The following AFF3 variants were observed in gnomAD, a reference collection of about 807,000 sequenced individuals.
The protein encoded by AFF3 is AF4/FMR2 family member 3.
A neutral mutation model predicts 129.7 loss-of-function variants in AFF3; 32 were observed. The observed-to-expected ratio is 0.25, with a 90% CI of 0.19 to 0.33. The LOEUF is 0.33. Ranked by LOEUF, AFF3 falls within the 10% of genes least tolerant of loss-of-function variation. The pLI is 1.00. For synonymous variants in AFF3, 644 were observed against 635.4 expected, an observed-to-expected ratio of 1.01 and a Z score of -0.20; for missense variants, 1,373 against 1,592.0, an observed-to-expected ratio of 0.86 and a Z score of 2.34.
At chr2:100,122,533 A>G (rs1692021828) in intron 2 of AFF3, among the ~76,000 whole-genome samples, 1 of 152,228 alleles carries the variant, frequency 6.6e-6, no homozygotes, top group African/African-American at 2.4e-5. Flanking sequence ...AGAGGCAGAG[A>G]GTGAAGACTA....
rs1006138237 is a variant in AFF3, at chr2:99,996,502, A to G, written c.873+10130T>C. On this transcript the variant is annotated intron_variant, in intron 7 of 24. Coordinates refer to ENST00000672756, the MANE Select transcript of AFF3 (RefSeq NM_001386135.1). The stretch of plus-strand genomic sequence containing the variant: ...TCGGCTCATGAGTAGTTGGGACTAC[A>G]GGCACCTGCCACCACGCCCGGCTAA... Among the ~76,000 whole-genome samples the G allele has an allele frequency of 3.3e-5, 5 of 149,428 alleles. 1 individual carries two copies. Among genetic ancestry groups the G allele is most frequent in the Admixed American group, 3.3e-4 (5 of 14,992 alleles).
chr2:99,991,954 A>G (rs1224370396), intron 7 of AFF3, among the ~76,000 whole-genome samples: 1 of 152,040 alleles, frequency 6.6e-6, no homozygotes, highest in Non-Finnish European at 1.5e-5. Context: ...ATAAAAAGTC[A>G]GTCTTGACAG....
chr2:99,913,466 G>A (rs1695245525), intron 7 of AFF3, among the ~76,000 whole-genome samples: 2 of 152,190 alleles, frequency 1.3e-5, no homozygotes, highest in South Asian at 4.1e-4. Context: ...ACAGATAATA[G>A]ATGATCAATA....
intron 10 of AFF3, among the ~76,000 whole-genome samples, chr2:99,734,588 T>A (rs990786249): frequency 6.6e-6 from 1 of 152,088 alleles, no homozygotes. Context: ...TCATGTATAG[T>A]GAATTTTATC....
chr2:99,905,238 C>T (rs373964409), intron 7 of AFF3, among the ~76,000 whole-genome samples: 17 of 152,334 alleles, frequency 1.1e-4, no homozygotes, highest in African/African-American at 3.8e-4. Flanking sequence ...GTGGAGCCCA[C>T]GTCTTCACAG....
chr2:99,900,135 G>T (rs993887525), intron 7 of AFF3, among the ~76,000 whole-genome samples: 2 of 152,148 alleles, frequency 1.3e-5, no homozygotes, highest in Non-Finnish European at 2.9e-5. Flanking sequence ...CTGTGAAGAG[G>T]CTGTAACTTA....
At chr2:99,628,723 A>ATTTTTTTTTTTTT (rs3073407) in intron 13 of AFF3, among the ~76,000 whole-genome samples, 1 of 92,432 alleles carries the variant, frequency 1.1e-5, no homozygotes, top group African/African-American at 4.7e-5. Flanking sequence ...TGCTTGACTG[A>ATTTTTTTTTTTTT]TTTTTTTTTT....
chr2:99,679,555 A>G (rs1372092316), intron 11 of AFF3, among the ~76,000 whole-genome samples: 1 of 152,150 alleles, frequency 6.6e-6, no homozygotes, highest in Non-Finnish European at 1.5e-5. Context: ...CAAAATCTCA[A>G]TCAGTCAACT....
intron 4 of AFF3, among the ~76,000 whole-genome samples, chr2:100,009,507 T>C (rs1157719533): frequency 2.6e-5 from 4 of 152,166 alleles, no homozygotes; most frequent in African/African-American, 7.2e-5. Flanking sequence ...CCTTCTGATA[T>C]ATTTGACACT....
intron 8 of AFF3, among the ~76,000 whole-genome samples, chr2:99,821,273 A>G (rs1479990718): frequency 6.6e-6 from 1 of 152,142 alleles, no homozygotes; most frequent in Non-Finnish European, 1.5e-5. Flanking sequence ...ACACCTCTGG[A>G]AGGATCTGCC....
chr2:99,725,119 C>T (rs969621991), intron 11 of AFF3, among the ~76,000 whole-genome samples: 5 of 152,084 alleles, frequency 3.3e-5, no homozygotes, highest in Non-Finnish European at 5.9e-5. Flanking sequence ...TACAGGCACG[C>T]GCCACCATGC....
chr2:100,053,272 C>G (rs1686499965), intron 4 of AFF3, among the ~76,000 whole-genome samples: 1 of 152,222 alleles, frequency 6.6e-6, no homozygotes, highest in Non-Finnish European at 1.5e-5. Context: ...ATTTCAAATT[C>G]TGCTGTTTGA....
intron 11 of AFF3, among the ~76,000 whole-genome samples, chr2:99,725,314 G>C (rs940731054): frequency 1.3e-5 from 2 of 151,714 alleles, no homozygotes; most frequent in Non-Finnish European, 2.9e-5. Flanking sequence ...ATAAGGTACA[G>C]AGTAAAGCAA....
At chr2:100,002,921 C>G (rs1161956111) in intron 7 of AFF3, among the ~76,000 whole-genome samples, 4 of 152,160 alleles carry the variant, frequency 2.6e-5, no homozygotes, top group African/African-American at 9.7e-5. Context: ...TGTGCCCTGC[C>G]CCCATCACCT....
chr2:100,074,921 G>A (rs1421318867), intron 4 of AFF3, among the ~76,000 whole-genome samples: 1 of 152,232 alleles, frequency 6.6e-6, no homozygotes, highest in Non-Finnish European at 1.5e-5. Context: ...TGGTGGAGAG[G>A]AGGCAGGAAG....
chr2:99,751,333 G>GC (rs1455901378), intron 9 of AFF3, among the ~76,000 whole-genome samples: 1 of 152,090 alleles, frequency 6.6e-6, no homozygotes, highest in African/African-American at 2.4e-5. Context: ...CCTCAACTGA[G>GC]CCACCTGCTT....
At chr2:99,664,609 A>C (rs1400606997) in intron 12 of AFF3, among the ~76,000 whole-genome samples, 1 of 152,226 alleles carries the variant, frequency 6.6e-6, no homozygotes, top group Non-Finnish European at 1.5e-5. Flanking sequence ...ATCTCTGTCA[A>C]TACTTTTGAT....
intron 7 of AFF3, among the ~76,000 whole-genome samples, chr2:99,921,061 T>C (rs925269153): frequency 6.6e-6 from 1 of 152,066 alleles, no homozygotes; most frequent in African/African-American, 2.4e-5. Context: ...TCTTCCCAAA[T>C]TGATCTAAAG....
rs182802945 is a variant in AFF3 at position 99,892,419 on chromosome 2, A to G, written c.874-54895T>C. 2.6e-5 allele frequency among the ~76,000 whole-genome samples: 4 copies of G among 152,342 alleles called. No individual in the cohort carries two copies. In the East Asian group the frequency reaches 5.8e-4, roughly 22 times the overall value. On this transcript the variant is annotated intron_variant, in intron 7 of 24. Transcript: ENST00000672756. Reference sequence around the variant, plus strand: ...AATTAAATGAATTACTCATAGTCAGATAACTCCAAAAGCAAAATTATAAAA... The same window carrying G: ...AATTAAATGAATTACTCATAGTCAGGTAACTCCAAAAGCAAAATTATAAAA...
Sources: gnomAD v4.1 joint callset for allele counts (sites outside exome capture counted in the v4.1 genomes callset) on GRCh38, gnomAD v4.1.1 for gene constraint, MANE v1.5 for transcripts, NCBI Gene and HGNC (gene_info 2026-07-23, HGNC 2026-07-21) for gene names.